Variants in RBM19 observed in about 807,000 individuals in gnomAD.
RBM19 encodes the protein probable RNA-binding protein 19.
Under a neutral mutation model 116.8 loss-of-function variants are expected in RBM19, and 94 were observed. That is an observed-to-expected ratio of 0.80 (90% CI 0.68 to 0.95). The LOEUF (loss-of-function observed/expected upper bound fraction) is 0.95, where lower values mean the gene tolerates loss of function less well. Ranked by LOEUF, RBM19 falls within the 40% of genes least tolerant of loss-of-function variation. The probability of loss-of-function intolerance (pLI) is 0.00; values close to 1 mark genes in which losing one functional copy is unlikely to be tolerated. For synonymous variants in RBM19, 475 were observed against 494.1 expected (o/e 0.96, Z 0.51); for missense variants, 1,161 against 1,220.7 (o/e 0.95, Z 0.73).
At chr12:113,928,625 ATG>A (rs57242923) in intron 16 of RBM19, among the ~76,000 whole-genome samples, 1,565 of 120,276 alleles carry the variant, frequency 0.013, 24 homozygotes, top group African/African-American at 0.024. Context: ...TTAGCAAGGG[ATG>A]TGTGTGTGTG....
In RBM19 at chr12:113,942,338, C is replaced by A. The variant is rs147004251; in HGVS notation, c.1723G>T (p.Asp575Tyr). ...RFLIDNGVSL[D>Y]SFSQAAAERS... Reference sequence around the variant, plus strand: ...AGAACACCCACCTGGCTGAAGGAATCCAGGCTGACCCCGTTGTCTATGAGA... The same window carrying A: ...AGAACACCCACCTGGCTGAAGGAATACAGGCTGACCCCGTTGTCTATGAGA... Residue 575 changes from aspartate to tyrosine, a missense_variant, in exon 14 of 24, where the codon GAT becomes TAT. By Grantham distance (160) the Asp-to-Tyr change is radical (BLOSUM62 -3). Coordinates refer to ENST00000261741, the MANE Select transcript of RBM19 (RefSeq NM_016196.4). 2.5e-6 allele frequency: 4 copies of A among 1,606,228 alleles called. No individual in the cohort carries two copies. Among genetic ancestry groups the A allele is most frequent in the Non-Finnish European group, 3.4e-6 (4 of 1,179,794 alleles).
intron 14 of RBM19, 122 bp downstream of exon 14, chr12:113,942,202 T>C (rs1870632427): frequency 1.2e-6 from 1 of 829,840 alleles, no homozygotes. Flanking sequence ...TTAGAGACAA[T>C]TTAGAAATCA....
chr12:113,938,092 G>A (rs1472028712), intron 15 of RBM19, among the ~76,000 whole-genome samples: 1 of 152,088 alleles, frequency 6.6e-6, no homozygotes, highest in African/African-American at 2.4e-5. Flanking sequence ...CAGTCTTCTT[G>A]TCGGTGAAAC....
At chr12:113,862,981 A>G (rs890412) in intron 21 of RBM19, among the ~76,000 whole-genome samples, 143,040 of 152,092 alleles carry the variant, frequency 0.94, 67,304 homozygotes, top group East Asian at 0.99. Context: ...CATGCCAGGA[A>G]CATGATTGGT....
intron 21 of RBM19, among the ~76,000 whole-genome samples, chr12:113,875,017 G>A (rs1002007073): frequency 2.0e-5 from 3 of 152,254 alleles, no homozygotes; most frequent in African/African-American, 7.2e-5. Context: ...AGCTTCTCAA[G>A]AAAGCCAGGC....
chr12:113,840,407 T>C (rs551227718), intron 23 of RBM19, among the ~76,000 whole-genome samples: 1 of 152,322 alleles, frequency 6.6e-6, no homozygotes, highest in South Asian at 2.1e-4. Context: ...AACCTGGGCA[T>C]CGTTTCTCAG....
intron 16 of RBM19, among the ~76,000 whole-genome samples, chr12:113,936,080 T>C (rs1870035252): frequency 6.8e-6 from 1 of 146,676 alleles, no homozygotes; most frequent in Admixed American, 6.6e-5. Flanking sequence ...AATCTGACAG[T>C]GTTCCTCCCC....
chr12:113,947,048 G>C (rs967877469), intron 11 of RBM19, among the ~76,000 whole-genome samples: 3 of 152,186 alleles, frequency 2.0e-5, no homozygotes, highest in African/African-American at 7.2e-5. Context: ...TATAGAGATG[G>C]AGAGCAAATT....
chr12:113,905,860 T>C (rs1447387480), intron 21 of RBM19, among the ~76,000 whole-genome samples: 1 of 152,094 alleles, frequency 6.6e-6, no homozygotes, highest in Non-Finnish European at 1.5e-5. Context: ...GGAGAAAATA[T>C]TTGACTTCCT....
rs1486880302 is a variant in RBM19, at chr12:113,858,814, A to G, written c.2641T>C (p.Phe881Leu). 1.9e-6 allele frequency: 3 copies of G among 1,614,022 alleles called. No individual in the cohort carries two copies. The highest frequency in any genetic ancestry group is 2.5e-6 in the Non-Finnish European group (3 of 1,180,032). The change falls in exon 22 of 24, where the codon TTC becomes CTC. Residue 881 changes from phenylalanine (F) to leucine (L), a missense_variant. By Grantham distance (22) the Phe-to-Leu change is conservative. Transcript: ENST00000261741. ...GTHRGFGFVD[F>L]LTKQDAKRAF... ...ACCTTCGCATCCTGCTTGGTGAGGA[A>G]GTCCACAAAGCCGAAGCCTCTGTGT...
intron 23 of RBM19, among the ~76,000 whole-genome samples, chr12:113,823,990 T>C (rs115810645): frequency 0.065 from 9,868 of 152,222 alleles, 662 homozygotes; most frequent in Admixed American, 0.15. Flanking sequence ...AGAGGTGGCT[T>C]TGAAGAGGAG....
At chr12:113,854,255 C>G (rs1400498060) in intron 22 of RBM19, among the ~76,000 whole-genome samples, 1 of 152,140 alleles carries the variant, frequency 6.6e-6, no homozygotes, top group Admixed American at 6.5e-5. Context: ...CCATCCCTGC[C>G]AAAGACGGGC....
rs749627398 is a variant in RBM19 at position 113,952,581 on chromosome 12, T to C, written c.931A>G (p.Met311Val). The change falls in exon 8 of 24, where the codon ATG becomes GTG. Residue 311 changes from methionine to valine, a missense_variant. Physicochemically the swap from Met to Val is conservative, Grantham distance 21. Coordinates refer to ENST00000261741, the MANE Select transcript of RBM19 (RefSeq NM_016196.4). ...GGTTTCAGGGGTGCCAGGAATTCCA[T>C]AACATTTTTCTGTGAGAAGAAGTTT... ...APFNVTEKNVMEFLAPLKPVA... is the reference protein window; with the variant it reads ...APFNVTEKNVVEFLAPLKPVA... 1.2e-6 allele frequency: 2 copies of C among 1,613,850 alleles called. No homozygotes were observed. Among genetic ancestry groups the C allele is most frequent in the Non-Finnish European group, 1.7e-6 (2 of 1,179,850 alleles).
chr12:113,960,220 C>A, intron 2 of RBM19, 42 bp from the exon 3 acceptor site: 1 of 1,611,818 alleles, frequency 6.2e-7, no homozygotes, highest in East Asian at 2.2e-5. Context: ...GCCATGGCAC[C>A]CAGGCGTTGG....
At chr12:113,922,957 AACCCCATCTCTACC>A (rs1322228038) in intron 18 of RBM19, among the ~76,000 whole-genome samples, 1 of 152,214 alleles carries the variant, frequency 6.6e-6, no homozygotes, top group Non-Finnish European at 1.5e-5. Flanking sequence ...AACATGGTGA[AACCCCATCTCTACC>A]AAGAATACAA....
intron 15 of RBM19, 182 bp from the exon 16 acceptor site, chr12:113,937,318 G>A (rs540245576): frequency 1.5e-5 from 10 of 648,400 alleles, no homozygotes; most frequent in East Asian, 9.0e-5. Flanking sequence ...GACAACATTC[G>A]GCCCCCATGC....
intron 23 of RBM19, among the ~76,000 whole-genome samples, chr12:113,835,967 T>C (rs1593461430): frequency 6.6e-6 from 1 of 152,192 alleles, no homozygotes; most frequent in South Asian, 2.1e-4. Context: ...TCCATACCAT[T>C]ATATTCTCTC....
downstream of RBM19, among the ~76,000 whole-genome samples, chr12:113,818,502 C>T (rs1874204835): frequency 1.3e-5 from 2 of 152,232 alleles, no homozygotes; most frequent in African/African-American, 4.8e-5. Context: ...GACGTGGGCC[C>T]AGCTGGCCTG....
intron 1 of RBM19, among the ~76,000 whole-genome samples, chr12:113,965,373 T>C (rs1872789485): frequency 1.3e-5 from 2 of 149,958 alleles, no homozygotes; most frequent in Non-Finnish European, 3.0e-5. Flanking sequence ...CAAACAATGA[T>C]AAGAGAATCA....
Sources: gnomAD v4.1 joint callset for allele counts (sites outside exome capture counted in the v4.1 genomes callset) on GRCh38, gnomAD v4.1.1 for gene constraint, MANE v1.5 for transcripts, NCBI Gene and HGNC (gene_info 2026-07-23, HGNC 2026-07-21) for gene names.